Variants in TRIM47 observed in about 807,000 individuals in gnomAD.
The protein encoded by TRIM47 is E3 ubiquitin-protein ligase TRIM47.
Under a neutral mutation model 54.4 loss-of-function variants are expected in TRIM47, and 46 were observed. That is an observed-to-expected ratio of 0.84 (90% CI 0.67 to 1.08). The LOEUF (loss-of-function observed/expected upper bound fraction) is 1.08, where lower values mean the gene tolerates loss of function less well. TRIM47 is among the 50% of genes least tolerant of loss of function. The pLI is 0.00. For synonymous variants in TRIM47, 392 were observed against 410.2 expected, an observed-to-expected ratio of 0.96 and a Z score of 0.54; for missense variants, 825 against 910.1, an observed-to-expected ratio of 0.91 and a Z score of 1.20.
At chr17:75,877,132 G>A (rs1320796638) in intron 1 of TRIM47, 3 of 377,434 alleles carry the variant, frequency 7.9e-6, no homozygotes, top group Non-Finnish European at 1.5e-5. Context: ...GCGGGGAAGA[G>A]GCAGAGAGTA....
rs1455337132 is a variant in TRIM47, at chr17:75,878,573, GCCGA to G, written c.-29_-26del. 2 of 1,263,138 alleles carry G rather than the reference GCCGA, an allele frequency of 1.6e-6. No individual in the cohort carries two copies. The highest frequency in any genetic ancestry group is 2.0e-6 in the Non-Finnish European group (2 of 1,000,022). The allele number at this position is 1,263,138 out of a possible 1,614,324, so 78.2% of individuals were successfully genotyped here. ...TGACTCCGCGGCCGCCCAGGGCGCC[GCCGA>G]TTGTGCTCCGGCCTGGGAGGGACCC... is the stretch of plus-strand genomic sequence containing the variant. On this transcript the variant is annotated 5_prime_UTR_variant, in exon 1 of 6. Coordinates refer to ENST00000254816, the MANE Select transcript of TRIM47 (RefSeq NM_033452.3).
At chr17:75,876,616 C>T in intron 2 of TRIM47, 102 bp downstream of exon 2, 13 of 1,530,390 alleles carry the variant, frequency 8.5e-6, no homozygotes, top group Non-Finnish European at 1.2e-5. Flanking sequence ...CAGACTGAGC[C>T]TGTCCTGGAT....
In TRIM47 at chr17:75,875,879, G is replaced by T. The variant is rs374882183; in HGVS notation, c.1201+22C>A. 9.3e-6 allele frequency: 15 copies of T among 1,606,868 alleles called. No individual in the cohort carries two copies. The African/African-American group carries it at 1.6e-4, about 17-fold the overall frequency. ...AGGCTGGCAGAGGGTGAGTCATCGG[G>T]GGGGCGTGGGGCGGTGCCCACCTTC... On this transcript the variant is annotated intron_variant, in intron 4 of 5. Transcript: ENST00000254816. The surrounding 1 kb of genome is among the most constrained non-coding windows in gnomAD (Gnocchi z 6.1).
rs575446797 is a variant in TRIM47 at position 75,878,105 on chromosome 17, G to A, written c.444C>T (p.Leu148=). The change falls in exon 1 of 6, where the codon CTC becomes CTT. Residue 148 remains leucine, a synonymous_variant. Transcript: ENST00000254816. ...LPAALSCLSC[L]ASFCPAHLGP... is the part of the protein sequence containing the mutation. ...CCAGGTGCGCGGGGCAAAAGGAGGC[G>A]AGGCAGGAGAGGCAGGACAGCGCGG... The A allele has an allele frequency of 3.4e-5, 44 of 1,302,894 alleles. No individual in the cohort carries two copies. The African/African-American group carries it at 6.3e-4, about 19-fold the overall frequency. 80.7% of individuals were successfully genotyped at this position (1,302,894 alleles called of 1,614,324 possible). A position where few individuals can be genotyped will look rare whatever the true frequency, so the allele number is the denominator to read the frequency against.
chr17:75,877,962 T>G lies in TRIM47; in HGVS notation c.587A>C (p.Glu196Ala). The G allele has an allele frequency of 6.9e-7, 1 of 1,456,364 alleles. No individual in the cohort carries two copies. The highest frequency in any genetic ancestry group is 9.0e-7 in the Non-Finnish European group (1 of 1,107,764). 90.2% of individuals were successfully genotyped at this position (1,456,364 alleles called of 1,614,324 possible). ...GCAGGCCTCGCACAGACACACGCGC[T>G]CCGCGCGGCAGTAGCGCTCGAGCGG... ...LRPLERYCRA[E>A]RVCLCEACAA... Residue 196 changes from glutamate (E) to alanine (A), a missense_variant, in exon 1 of 6, where the codon GAG becomes GCG. By Grantham distance (107) the Glu-to-Ala change is moderately radical (BLOSUM62 -1). Coordinates refer to ENST00000254816, the MANE Select transcript of TRIM47 (RefSeq NM_033452.3).
At chr17:75,877,778 C>T (rs1445908626) in intron 1 of TRIM47, 96 bp downstream of exon 1, 10 of 1,263,362 alleles carry the variant, frequency 7.9e-6, no homozygotes, top group Non-Finnish European at 9.0e-6. Flanking sequence ...AGATTAAGAC[C>T]CAACCCGGGA....
intron 1 of TRIM47, chr17:75,877,625 C>T (rs2065143280): frequency 2.5e-6 from 3 of 1,202,244 alleles, no homozygotes; most frequent in Non-Finnish European, 3.1e-6. Flanking sequence ...TAGACCCCGG[C>T]CCGGCTTCAG....
In TRIM47 at chr17:75,875,911, C is replaced by T; in HGVS notation, c.1191G>A (p.Leu397=). 1 of 1,612,164 alleles carries T rather than the reference C, an allele frequency of 6.2e-7. No individual in the cohort carries two copies. The stretch of plus-strand genomic sequence containing the variant: ...TGGGGCGGTGCCCACCTTCCGAGTC[C>T]AGCTTCTGTGGCCCATCCTCGTTGC... ...PGGNEDGPQK[L]DSEADAEPQD... Residue 397 remains leucine, a synonymous_variant, in exon 4 of 6, where the codon CTG becomes CTA. Transcript: ENST00000254816. This position sits in a 1 kb window ranked among gnomAD's most constrained non-coding sequence, Gnocchi z 6.1.
In TRIM47 at chr17:75,878,471, G is replaced by T; in HGVS notation, c.78C>A (p.His26Gln). 7.1e-7 allele frequency: 1 copy of T among 1,418,276 alleles called. No homozygotes were observed. Among genetic ancestry groups the T allele is most frequent in the Non-Finnish European group, 9.3e-7 (1 of 1,073,706 alleles). 87.9% of individuals were successfully genotyped at this position (1,418,276 alleles called of 1,614,324 possible). Residue 26 changes from histidine to glutamine, a missense_variant, in exon 1 of 6, where the codon CAC becomes CAA. Transcript: ENST00000254816. ...LREPVTLPCG[H>Q]NFCLACLGAL... is the part of the protein sequence containing the mutation. ...CGCCCAGGCAGGCGAGACAGAAGTT[G>T]TGGCCGCAGGGCAGCGTCACCGGCT...
Position 75,875,944 on chromosome 17 carries a change from C to T in TRIM47, c.1158G>A (p.Gly386=), listed in dbSNP as rs750866576. Residue 386 remains glycine, a synonymous_variant, in exon 4 of 6, where the codon GGG becomes GGA. Transcript: ENST00000254816. This position sits in a 1 kb window ranked among gnomAD's most constrained non-coding sequence, Gnocchi z 6.1. ...ACVNQWEQLR[G]PGGNEDGPQK... Reference sequence around the variant, plus strand: ...GTGGCCCATCCTCGTTGCCACCCGGCCCCCTCAGCTGCTCCCACTGGTTGA... The same window carrying T: ...GTGGCCCATCCTCGTTGCCACCCGGTCCCCTCAGCTGCTCCCACTGGTTGA... 1 of 1,611,478 alleles carries T rather than the reference C, an allele frequency of 6.2e-7. No individual in the cohort carries two copies.
chr17:75,876,847 G>C (rs756499057), intron 1 of TRIM47, 34 bp from the exon 2 acceptor site: 2 of 1,605,804 alleles, frequency 1.2e-6, no homozygotes, highest in African/African-American at 1.3e-5. Context: ...TGTGAGGTCT[G>C]GCAGAGGCCA....
Position 75,876,474 on chromosome 17 carries a change from G to T in TRIM47, c.790C>A (p.Arg264=), listed in dbSNP as rs762817750. ...GCAAACAGCCGGCTCACCCTCTCCC[G>T]CTCTGCTACGGCTGCACTCTGCACA... is the stretch of plus-strand genomic sequence containing the variant. ...ALIKSAAVAE[R]ERVSRLFADA... is the part of the protein sequence containing the mutation. The change falls in exon 3 of 6, where the codon CGG becomes AGG. Residue 264 remains arginine, a synonymous_variant. Coordinates refer to ENST00000254816, the MANE Select transcript of TRIM47 (RefSeq NM_033452.3). The T allele has an allele frequency of 1.2e-6, 2 of 1,606,582 alleles. No individual in the cohort carries two copies. The highest frequency in any genetic ancestry group is 1.7e-5 in the Admixed American group (1 of 59,664).
At position 75,877,916 on chromosome 17, in the gene TRIM47, G is replaced by T; in HGVS notation, c.633C>A (p.Gly211=). 7.0e-7 allele frequency: 1 copy of T among 1,427,572 alleles called. No individual in the cohort carries two copies. The highest frequency in any genetic ancestry group is 9.1e-7 in the Non-Finnish European group (1 of 1,093,596). The allele number at this position is 1,427,572 out of a possible 1,614,324, so 88.4% of individuals were successfully genotyped here. Residue 211 remains glycine (G), a synonymous_variant, in exon 1 of 6, where the codon GGC becomes GGA. Coordinates refer to ENST00000254816, the MANE Select transcript of TRIM47 (RefSeq NM_033452.3). ...CEACAAQEHR[G]HELVPLEQER... ...CCTGCTCCAGCGGCACCAGCTCGTG[G>T]CCGCGGTGCTCCTGTGCGGCGCAGG...
intron 1 of TRIM47, 182 bp from the exon 2 acceptor site, chr17:75,876,995 C>T (rs1367320142): frequency 1.6e-6 from 1 of 625,924 alleles, no homozygotes; most frequent in African/African-American, 1.8e-5. Flanking sequence ...CAGGCTGGTG[C>T]CTTTCCTGAA....
chr17:75,874,887 G>A lies in TRIM47; in HGVS notation c.1513C>T (p.Gln505Ter). 3 of 1,614,166 alleles carry A rather than the reference G, an allele frequency of 1.9e-6. No individual in the cohort carries two copies. The highest frequency in any genetic ancestry group is 1.1e-5 in the South Asian group (1 of 91,088). The change falls in exon 6 of 6, where the codon CAA (glutamine) becomes TAA (stop). Residue 505 changes from glutamine (Q) to a stop codon, truncating the protein, a stop_gained. Coordinates refer to ENST00000254816, the MANE Select transcript of TRIM47 (RefSeq NM_033452.3). LOFTEE classifies it high-confidence loss of function. The surrounding 1 kb of genome is among the most constrained non-coding windows in gnomAD (Gnocchi z 6.2). ...MGVMAEDFSPQEPYDRGRLGR... is the reference protein window; with the variant it reads ...MGVMAEDFSP ...AGCCGGCCGCGGTCGTAGGGCTCTT[G>A]TGGGGAGAAGTCTTCGGCCATGACC...
rs1425360720 is a variant in TRIM47 at position 75,878,342 on chromosome 17, C to T, written c.207G>A (p.Lys69=). ...EPFPDGLQLR[K]NHTLSELLQL... ...GCAGCAGCTCGGACAGCGTGTGGTT[C>T]TTGCGGAGCTGAAGGCCGTCGGGGA... Residue 69 remains lysine, a synonymous_variant, in exon 1 of 6, where the codon AAG becomes AAA. Coordinates refer to ENST00000254816, the MANE Select transcript of TRIM47 (RefSeq NM_033452.3). 2.2e-6 allele frequency: 3 copies of T among 1,335,108 alleles called. No individual in the cohort carries two copies. The African/African-American group carries it at 4.6e-5, about 20-fold the overall frequency. The allele number at this position is 1,335,108 out of a possible 1,614,324, so 82.7% of individuals were successfully genotyped here.
In TRIM47 at chr17:75,875,892, G is replaced by A. The variant is rs1360075117; in HGVS notation, c.1201+9C>T. 14 of 1,609,398 alleles carry A rather than the reference G, an allele frequency of 8.7e-6. No homozygotes were observed. Among genetic ancestry groups the A allele is most frequent in the East Asian group, 2.2e-5 (1 of 44,760 alleles). ...GTGAGTCATCGGGGGGGCGTGGGGCGGTGCCCACCTTCCGAGTCCAGCTTC... is the reference window on the plus strand; with the variant it reads ...GTGAGTCATCGGGGGGGCGTGGGGCAGTGCCCACCTTCCGAGTCCAGCTTC... On this transcript the variant is annotated intron_variant, in intron 4 of 5. Coordinates refer to ENST00000254816, the MANE Select transcript of TRIM47 (RefSeq NM_033452.3). This position sits in a 1 kb window ranked among gnomAD's most constrained non-coding sequence, Gnocchi z 6.1.
In TRIM47 at chr17:75,875,858, TG is replaced by T. The variant is rs1275474040; in HGVS notation, c.1201+42del. ...AGGCCTGGGGGCCTGTGCGAGAGGCTGGCAGAGGGTGAGTCATCGGGGGGGC... is the reference window on the plus strand; with the variant it reads ...AGGCCTGGGGGCCTGTGCGAGAGGCTGCAGAGGGTGAGTCATCGGGGGGGC... On this transcript the variant is annotated intron_variant, in intron 4 of 5. Transcript: ENST00000254816. This position sits in a 1 kb window ranked among gnomAD's most constrained non-coding sequence, Gnocchi z 6.1. 1.9e-6 allele frequency: 3 copies of T among 1,591,608 alleles called. No homozygotes were observed. The highest frequency in any genetic ancestry group is 2.6e-6 in the Non-Finnish European group (3 of 1,169,910).
At position 75,877,871 on chromosome 17, in the gene TRIM47, C is replaced by T. The variant is rs940414676; in HGVS notation, c.675+3G>A. 3 of 1,333,932 alleles carry T rather than the reference C, an allele frequency of 2.2e-6. No homozygotes were observed. The highest frequency in any genetic ancestry group is 2.9e-6 in the Non-Finnish European group (3 of 1,043,162). The allele number at this position is 1,333,932 out of a possible 1,614,324, so 82.6% of individuals were successfully genotyped here. A position where few individuals can be genotyped will look rare whatever the true frequency, so the allele number is the denominator to read the frequency against. On this transcript the variant is annotated splice_donor_region_variant and intron_variant, in intron 1 of 5. Transcript: ENST00000254816. ...CTCACCCGAGTGTGCCCCCGGAGCC[C>T]ACCTCCTGAAGCGCGCGCTCCTGCT...
Sources: allele counts gnomAD v4.1 joint callset, GRCh38; gene constraint gnomAD v4.1.1; non-coding constraint Gnocchi (gnomAD v3.1); transcripts MANE v1.5; gene names NCBI Gene and HGNC (gene_info 2026-07-23, HGNC 2026-07-21).